The following ATP8B2 variants were observed in gnomAD, a reference collection of about 807,000 sequenced individuals.
ATP8B2 encodes the protein phospholipid-transporting ATPase ID.
ATP8B2 carries 70 observed loss-of-function variants against 133.4 expected under a neutral mutation model. The observed-to-expected ratio is 0.52, with a 90% CI of 0.43 to 0.64. The LOEUF (loss-of-function observed/expected upper bound fraction) is 0.64, where lower values mean the gene tolerates loss of function less well. Among genes scored for constraint, ATP8B2 ranks in the 30% least tolerant of loss-of-function variants. ATP8B2 has a pLI of 0.00. For synonymous variants in ATP8B2, 517 were observed against 589.5 expected, an observed-to-expected ratio of 0.88 and a Z score of 1.78; for missense variants, 1,101 against 1,535.7, an observed-to-expected ratio of 0.72 and a Z score of 4.73.
At position 154,343,372 on chromosome 1, in the gene ATP8B2, G is replaced by A; in HGVS notation, c.1642+71G>A. On this transcript the variant is annotated intron_variant, in intron 16 of 27. Coordinates refer to ENST00000368489, the MANE Select transcript of ATP8B2 (RefSeq NM_001370597.1). The surrounding 1 kb of genome is among the most constrained non-coding windows in gnomAD (Gnocchi z 5.8). Reference sequence around the variant, plus strand: ...GGCCTGGAATGGGTGAAGTGTGCCGGGTGACTCTTGATGTGTTTATGTTGG... The same window carrying A: ...GGCCTGGAATGGGTGAAGTGTGCCGAGTGACTCTTGATGTGTTTATGTTGG... The A allele has an allele frequency of 1.2e-6, 2 of 1,603,762 alleles. No homozygotes were observed. Among genetic ancestry groups the A allele is most frequent in the East Asian group, 4.5e-5 (2 of 44,540 alleles).
At chr1:154,327,816 C>G (rs1481820294) in intron 1 of ATP8B2, 1 of 1,613,912 alleles carries the variant, frequency 6.2e-7, no homozygotes. Flanking sequence ...ACCTTGAGAG[C>G]TGTTCCCCTT....
chr1:154,345,610 G>A lies in ATP8B2; in HGVS notation c.2694+65G>A. 1 of 1,458,494 alleles carries A rather than the reference G, an allele frequency of 6.9e-7. No homozygotes were observed. The highest frequency in any genetic ancestry group is 9.5e-7 in the Non-Finnish European group (1 of 1,054,848). The allele number at this position is 1,458,494 out of a possible 1,614,324, so 90.3% of individuals were successfully genotyped here. On this transcript the variant is annotated intron_variant, in intron 23 of 27. Transcript: ENST00000368489. The surrounding 1 kb of genome is among the most constrained non-coding windows in gnomAD (Gnocchi z 5.6). ...AACCTGAGGGCAGAGGTTCTGTCTT[G>A]TTTATCACTCAGTCCCCCAGGGCCT...
Position 154,328,942 on chromosome 1 carries a change from C to T in ATP8B2, c.31+770C>T, listed in dbSNP as rs1427658119. On this transcript the variant is annotated intron_variant, in intron 2 of 27. Transcript: ENST00000368489. The surrounding 1 kb of genome is among the most constrained non-coding windows in gnomAD (Gnocchi z 4.6). ...AGCCGCCCCGTCGATGCCACTAAGG[C>T]CAAGGACATATAGACGGTCTGCCCT... The T allele has an allele frequency of 1.5e-6, 2 of 1,302,434 alleles. No homozygotes were observed. The highest frequency in any genetic ancestry group is 2.3e-5 in the Admixed American group (1 of 43,492). 80.7% of individuals were successfully genotyped at this position (1,302,434 alleles called of 1,614,324 possible). A position where few individuals can be genotyped will look rare whatever the true frequency, so the allele number is the denominator to read the frequency against.
rs778089250 is a variant in ATP8B2 at position 154,337,322 on chromosome 1, C to T, written c.838-26C>T. On this transcript the variant is annotated intron_variant, in intron 11 of 27. Transcript: ENST00000368489. Reference sequence around the variant, plus strand: ...TTGAGGGCTTCCTACATGTCAGCCTCGCCTGTGCTTCTCATTCCTCCCCAG... The same window carrying T: ...TTGAGGGCTTCCTACATGTCAGCCTTGCCTGTGCTTCTCATTCCTCCCCAG... The T allele has an allele frequency of 1.3e-5, 21 of 1,598,820 alleles. No individual in the cohort carries two copies. The Middle Eastern group carries it at 5.0e-4, about 38-fold the overall frequency.
Position 154,344,591 on chromosome 1 carries a change from C to G in ATP8B2, c.2142-50C>G, listed in dbSNP as rs748100091. 4.4e-6 allele frequency: 7 copies of G among 1,608,060 alleles called. No individual in the cohort carries two copies. The highest frequency in any genetic ancestry group is 6.0e-6 in the Non-Finnish European group (7 of 1,175,198). On this transcript the variant is annotated intron_variant, in intron 20 of 27. Coordinates refer to ENST00000368489, the MANE Select transcript of ATP8B2 (RefSeq NM_001370597.1). This position sits in a 1 kb window ranked among gnomAD's most constrained non-coding sequence, Gnocchi z 4.1. ...GACCATTTAGACTTGAATCCCTGCT[C>G]CCCACTGCCGTTCTGGAAGACCACA...
Position 154,331,260 on chromosome 1 carries a change from C to G in ATP8B2, c.303+114C>G. The G allele has an allele frequency of 1.7e-6, 2 of 1,165,746 alleles. No individual in the cohort carries two copies. The highest frequency in any genetic ancestry group is 2.8e-5 in the South Asian group (2 of 71,852). The allele number at this position is 1,165,746 out of a possible 1,614,324, so 72.2% of individuals were successfully genotyped here. A position where few individuals can be genotyped will look rare whatever the true frequency, so the allele number is the denominator to read the frequency against. Reference sequence around the variant, plus strand: ...CAATTTCTTGGTGACCTTGACATCCCTTACCCGGTCCAGCTAGATCCATGA... The same window carrying G: ...CAATTTCTTGGTGACCTTGACATCCGTTACCCGGTCCAGCTAGATCCATGA... On this transcript the variant is annotated intron_variant, in intron 5 of 27. Transcript: ENST00000368489. This position sits in a 1 kb window ranked among gnomAD's most constrained non-coding sequence, Gnocchi z 4.8.
chr1:154,332,302 T>C (rs566909866), intron 8 of ATP8B2, among the ~76,000 whole-genome samples: 61 of 152,122 alleles, frequency 4.0e-4, no homozygotes, highest in African/African-American at 1.4e-3. Context: ...GGGAGGCCAG[T>C]GTGGGAGGAT....
At chr1:154,337,020 A>T (rs1686208316) in intron 11 of ATP8B2, among the ~76,000 whole-genome samples, 1 of 149,772 alleles carries the variant, frequency 6.7e-6, no homozygotes, top group East Asian at 2.0e-4. Flanking sequence ...CTGGTCTCAA[A>T]CTCCTGACCT....
In ATP8B2 at chr1:154,343,592, C is replaced by A; in HGVS notation, c.1758+24C>A. 6.2e-7 allele frequency: 1 copy of A among 1,603,138 alleles called. No individual in the cohort carries two copies. Among genetic ancestry groups the A allele is most frequent in the Non-Finnish European group, 8.5e-7 (1 of 1,170,478 alleles). ...ATGTGGGTGTGAGGAGAGGAGGGGCCAGCCTGGGGGGTTCTACTCTTAGTG... is the reference window on the plus strand; with the variant it reads ...ATGTGGGTGTGAGGAGAGGAGGGGCAAGCCTGGGGGGTTCTACTCTTAGTG... On this transcript the variant is annotated intron_variant, in intron 17 of 27. Coordinates refer to ENST00000368489, the MANE Select transcript of ATP8B2 (RefSeq NM_001370597.1). The surrounding 1 kb of genome is among the most constrained non-coding windows in gnomAD (Gnocchi z 5.8).
Position 154,346,398 on chromosome 1 carries a change from T to C in ATP8B2, c.2946T>C (p.Asp982=), listed in dbSNP as rs762161494. Residue 982 remains aspartate (D), a synonymous_variant, in exon 25 of 28, where the codon GAT becomes GAC. Transcript: ENST00000368489. The surrounding 1 kb of genome is among the most constrained non-coding windows in gnomAD (Gnocchi z 4.5). ...GGGTGTTTGCTGATGCCACCCGGGATGATGGCACTCAGCTGGCTGACTACC... is the reference window on the plus strand; with the variant it reads ...GGGTGTTTGCTGATGCCACCCGGGACGATGGCACTCAGCTGGCTGACTACC... The part of the protein sequence containing the change: ...PYGVFADATR[D]DGTQLADYQS... The C allele has an allele frequency of 1.9e-6, 3 of 1,614,202 alleles. No homozygotes were observed. The South Asian group carries it at 3.3e-5, about 18-fold the overall frequency.
intron 1 of ATP8B2, 165 bp from the exon 2 acceptor site, chr1:154,327,940 C>G: frequency 1.3e-6 from 2 of 1,550,604 alleles, no homozygotes; most frequent in Non-Finnish European, 1.8e-6. Flanking sequence ...GAAGTCCCCT[C>G]TTTCCCAGGA....
rs752759696 is a variant in ATP8B2, at chr1:154,334,453, A to G, written c.749-50A>G. On this transcript the variant is annotated intron_variant, in intron 10 of 27. Coordinates refer to ENST00000368489, the MANE Select transcript of ATP8B2 (RefSeq NM_001370597.1). The surrounding 1 kb of genome is among the most constrained non-coding windows in gnomAD (Gnocchi z 4.6). ...AGTCTGGGGATCAGGGCAGAAGCCC[A>G]GAGGCAGATGTGTTATTTGGCTTTC... 57 of 1,589,428 alleles carry G rather than the reference A, an allele frequency of 3.6e-5. No homozygotes were observed. The highest frequency in any genetic ancestry group is 4.3e-5 in the Non-Finnish European group (50 of 1,158,256).
At position 154,340,692 on chromosome 1, in the gene ATP8B2, C is replaced by G. The variant is rs1686350703; in HGVS notation, c.1035-162C>G. ...TCTGCTGGCTGTGTGCAGCCGGCTC[C>G]ACCTTCAGGCTCTCCTTGCCCTTTC... is the stretch of plus-strand genomic sequence containing the variant. On this transcript the variant is annotated intron_variant, in intron 12 of 27. Transcript: ENST00000368489. The surrounding 1 kb of genome is among the most constrained non-coding windows in gnomAD (Gnocchi z 4.0). 3 of 673,982 alleles carry G rather than the reference C, an allele frequency of 4.5e-6. No individual in the cohort carries two copies. The highest frequency in any genetic ancestry group is 7.8e-6 in the Non-Finnish European group (3 of 383,020). 41.8% of individuals were successfully genotyped at this position (673,982 alleles called of 1,614,324 possible).
intron 27 of ATP8B2, 117 bp downstream of exon 27, chr1:154,348,655 T>C (rs1686678830): frequency 8.2e-6 from 12 of 1,467,660 alleles, no homozygotes; most frequent in Non-Finnish European, 1.1e-5. Context: ...GGTGCTTATC[T>C]GTTCTTCCTG....
chr1:154,340,293 T>C lies in ATP8B2; in HGVS notation c.1035-561T>C, dbSNP rs1686333761. 6.6e-6 allele frequency among the ~76,000 whole-genome samples: 1 copy of C among 152,084 alleles called. No individual in the cohort carries two copies. The highest frequency in any genetic ancestry group is 2.4e-5 in the African/African-American group (1 of 41,404). On this transcript the variant is annotated intron_variant, in intron 12 of 27. Coordinates refer to ENST00000368489, the MANE Select transcript of ATP8B2 (RefSeq NM_001370597.1). The surrounding 1 kb of genome is among the most constrained non-coding windows in gnomAD (Gnocchi z 4.0). ...GAGTCAGCACCTCAGCCCTGCCCGG[T>C]GTTCAGAATCAGGAATGTAGTGCCC...
In ATP8B2 at chr1:154,346,905, G is replaced by A. The variant is rs1570872858; in HGVS notation, c.3163+147G>A. On this transcript the variant is annotated intron_variant, in intron 26 of 27. Transcript: ENST00000368489. This position sits in a 1 kb window ranked among gnomAD's most constrained non-coding sequence, Gnocchi z 4.5. ...TATTTATTTATTTATTTTCGAGAAG[G>A]AGTCTTGCCCAGGCTGGAGTGCAGT... The A allele has an allele frequency of 1.9e-6, 2 of 1,044,076 alleles. No individual in the cohort carries two copies. The highest frequency in any genetic ancestry group is 6.1e-5 in the East Asian group (2 of 32,920). 64.7% of individuals were successfully genotyped at this position (1,044,076 alleles called of 1,614,324 possible).
In ATP8B2 at chr1:154,343,341, CATT is replaced by C. The variant is rs1686451363; in HGVS notation, c.1642+41_1642+43del. The C allele has an allele frequency of 6.2e-7, 1 of 1,609,168 alleles. No individual in the cohort carries two copies. Among genetic ancestry groups the C allele is most frequent in the Non-Finnish European group, 8.5e-7 (1 of 1,176,586 alleles). On this transcript the variant is annotated intron_variant, in intron 16 of 27. Transcript: ENST00000368489. The surrounding 1 kb of genome is among the most constrained non-coding windows in gnomAD (Gnocchi z 5.8). ...GGGGTGCTGGGGCGTTTGGGGACAG[CATT>C]CAGGCCTGGAATGGGTGAAGTGTGC...
rs778952273 is a variant in ATP8B2, at chr1:154,343,320, T to C, written c.1642+19T>C. 4 of 1,612,546 alleles carry C rather than the reference T, an allele frequency of 2.5e-6. No individual in the cohort carries two copies. In the South Asian group the frequency reaches 4.4e-5, roughly 18 times the overall value. On this transcript the variant is annotated intron_variant, in intron 16 of 27. Coordinates refer to ENST00000368489, the MANE Select transcript of ATP8B2 (RefSeq NM_001370597.1). This position sits in a 1 kb window ranked among gnomAD's most constrained non-coding sequence, Gnocchi z 5.8. ...GTCATAGGTGAGGCCAGGCCTGGGG[T>C]GCTGGGGCGTTTGGGGACAGCATTC...
Position 154,334,210 on chromosome 1 carries a change from G to A in ATP8B2, c.693G>A (p.Leu231=), listed in dbSNP as rs1159259315. The A allele has an allele frequency of 3.2e-5, 51 of 1,614,090 alleles. No individual in the cohort carries two copies. The Middle Eastern group carries it at 6.6e-4, about 21-fold the overall frequency. Residue 231 remains leucine, a synonymous_variant, in exon 10 of 28, where the codon CTG becomes CTA. Transcript: ENST00000368489. This position sits in a 1 kb window ranked among gnomAD's most constrained non-coding sequence, Gnocchi z 4.6. ...KFPLSNQNML[L]RGCVLRNTEW... is the part of the protein sequence containing the mutation. ...CTCTGAGCAACCAGAACATGCTGCT[G>A]CGGGGCTGTGTGCTGCGAAACACCG...
Sources: allele counts gnomAD v4.1 joint callset (sites outside exome capture counted in the v4.1 genomes callset), GRCh38; gene constraint gnomAD v4.1.1; non-coding constraint Gnocchi (gnomAD v3.1); transcripts MANE v1.5; gene names NCBI Gene and HGNC (gene_info 2026-07-23, HGNC 2026-07-21).